The following ROBO2 variants were observed in gnomAD, a reference collection of about 807,000 sequenced individuals.
ROBO2 encodes the protein roundabout guidance receptor 2.
A neutral mutation model predicts 160.8 loss-of-function variants in ROBO2; 53 were observed. The observed-to-expected ratio is 0.33, with a 90% CI of 0.26 to 0.41. The LOEUF is 0.41. Among genes scored for constraint, ROBO2 ranks in the 10% least tolerant of loss-of-function variants. The probability of loss-of-function intolerance (pLI) is 1.00; values close to 1 mark genes in which losing one functional copy is unlikely to be tolerated. For missense variants in ROBO2, 1,577 were observed against 1,722.4 expected (o/e 0.92, Z 1.49); for synonymous variants, 664 against 611.7 (o/e 1.09, Z -1.26).
chr3:76,247,755 G>A (rs1200021883), intron 2 of ROBO2, among the ~76,000 whole-genome samples: 1 of 151,528 alleles, frequency 6.6e-6, no homozygotes, highest in Non-Finnish European at 1.5e-5. Context: ...TCTGACAAAG[G>A]GCTAATATCC....
At chr3:77,563,106 T>C in intron 10 of ROBO2, 61 bp from the exon 12 acceptor site, 1 of 1,532,916 alleles carries the variant, frequency 6.5e-7, no homozygotes, top group South Asian at 1.1e-5. Flanking sequence ...CTTCCTTCTT[T>C]TAGGCAGTAT....
At chr3:76,474,187 T>A (rs1427010871) in intron 2 of ROBO2, among the ~76,000 whole-genome samples, 1 of 152,208 alleles carries the variant, frequency 6.6e-6, no homozygotes. Context: ...TAATTTCATG[T>A]CATTTTACAG....
chr3:75,925,786 AC>A (rs1389429142), intron 1 of ROBO2, among the ~76,000 whole-genome samples: 3 of 152,210 alleles, frequency 2.0e-5, no homozygotes, highest in Non-Finnish European at 4.4e-5. Context: ...GATGAAAAGT[AC>A]TACAATAGTC....
chr3:77,104,870 C>T (rs1045512334), intron 2 of ROBO2, among the ~76,000 whole-genome samples: 11 of 152,064 alleles, frequency 7.2e-5, no homozygotes, highest in Admixed American at 2.0e-4. Flanking sequence ...ATGGAAACAA[C>T]GGATGGCCAC....
intron 2 of ROBO2, among the ~76,000 whole-genome samples, chr3:77,273,482 T>C (rs2153358254): frequency 6.6e-6 from 1 of 152,292 alleles, no homozygotes; most frequent in South Asian, 2.1e-4. Flanking sequence ...AAAATGAAAG[T>C]AATCTAGCCG....
intron 2 of ROBO2, among the ~76,000 whole-genome samples, chr3:77,166,557 T>G (rs1384401868): frequency 1.3e-5 from 2 of 152,106 alleles, no homozygotes; most frequent in African/African-American, 4.8e-5. Flanking sequence ...GAAGTGTTTT[T>G]TTTGTTTGTT....
At chr3:77,186,548 A>G (rs1373027146) in intron 2 of ROBO2, among the ~76,000 whole-genome samples, 3 of 151,770 alleles carry the variant, frequency 2.0e-5, no homozygotes, top group African/African-American at 7.3e-5. Context: ...TGCAAAAGAG[A>G]TTATACGGAG....
intron 2 of ROBO2, among the ~76,000 whole-genome samples, chr3:77,385,116 G>A (rs758888829): frequency 1.4e-4 from 22 of 152,122 alleles, no homozygotes; most frequent in Non-Finnish European, 2.6e-4. Flanking sequence ...TGCAACCTCC[G>A]CCTCCGGAGT....
intron 2 of ROBO2, among the ~76,000 whole-genome samples, chr3:76,815,381 C>A (rs1311560660): frequency 6.7e-6 from 1 of 150,316 alleles, no homozygotes; most frequent in Non-Finnish European, 1.5e-5. Flanking sequence ...TAATTGTGCA[C>A]AACTATGTAA....
chr3:76,484,901 C>A (rs2079407892), intron 2 of ROBO2, among the ~76,000 whole-genome samples: 1 of 152,042 alleles, frequency 6.6e-6, no homozygotes, highest in South Asian at 2.1e-4. Flanking sequence ...TAACTAGGGA[C>A]ATTTTTTCTC....
At chr3:77,602,955 T>C in intron 20 of ROBO2, 1 of 457,136 alleles carries the variant, frequency 2.2e-6, no homozygotes, top group Non-Finnish European at 4.4e-6. Flanking sequence ...CATTCCTGAC[T>C]ACCGATTGGC....
chr3:76,402,038 C>T (rs772950841), intron 2 of ROBO2, among the ~76,000 whole-genome samples: 1 of 151,414 alleles, frequency 6.6e-6, no homozygotes, highest in Admixed American at 6.6e-5. Context: ...AAATATAAGC[C>T]TTGGTGTCTC....
intron 5 of ROBO2, among the ~76,000 whole-genome samples, chr3:77,507,941 T>A (rs1018312013): frequency 5.3e-5 from 8 of 152,094 alleles, no homozygotes; most frequent in Non-Finnish European, 1.2e-4. Flanking sequence ...TTAAATAATC[T>A]ATGAAAAGTT....
chr3:76,988,684 A>T (rs545943143), intron 2 of ROBO2, among the ~76,000 whole-genome samples: 2 of 152,108 alleles, frequency 1.3e-5, no homozygotes, highest in Non-Finnish European at 2.9e-5. Flanking sequence ...TATTCCCAGT[A>T]GATTAATTTT....
chr3:77,615,740 G>T (rs550490705), intron 21 of ROBO2, among the ~76,000 whole-genome samples: 1 of 152,210 alleles, frequency 6.6e-6, no homozygotes, highest in African/African-American at 2.4e-5. Context: ...CTACCTACTG[G>T]GAGACATGTT....
chr3:76,659,638 A>G (rs1309707894), intron 2 of ROBO2, among the ~76,000 whole-genome samples: 1 of 152,168 alleles, frequency 6.6e-6, no homozygotes, highest in Non-Finnish European at 1.5e-5. Flanking sequence ...AAGGAAGCCT[A>G]CGACTTAGAT....
intron 2 of ROBO2, among the ~76,000 whole-genome samples, chr3:76,669,826 G>A (rs1041576465): frequency 2.6e-4 from 40 of 152,040 alleles, no homozygotes; most frequent in African/African-American, 9.4e-4. Context: ...CCATCAATAC[G>A]TTAACCACAC....
At chr3:75,943,689 TTTTG>T (rs943368458) in intron 2 of ROBO2, among the ~76,000 whole-genome samples, 9 of 152,042 alleles carry the variant, frequency 5.9e-5, no homozygotes, top group East Asian at 3.9e-4. Flanking sequence ...GATATTCTTT[TTTTG>T]TTTGTTTGTT....
chr3:77,297,456 G>A (rs1211030694), intron 2 of ROBO2, among the ~76,000 whole-genome samples: 1 of 152,026 alleles, frequency 6.6e-6, no homozygotes, highest in Admixed American at 6.6e-5. Flanking sequence ...TGAGGTATTT[G>A]CTTAAGTGCA....
Sources: gnomAD v4.1 joint callset for allele counts (sites outside exome capture counted in the v4.1 genomes callset) on GRCh38, gnomAD v4.1.1 for gene constraint, MANE v1.5 for transcripts, NCBI Gene and HGNC (gene_info 2026-07-23, HGNC 2026-07-21) for gene names.